NR4A1: variants seen among roughly 807,000 people sequenced by gnomAD.
NR4A1 encodes nuclear receptor subfamily 4 group A member 1, also known as nuclear receptor subfamily 4immunitygroup A member 1.
NR4A1 carries 24 observed loss-of-function variants against 47.5 expected under a neutral mutation model. The ratio of observed to expected loss-of-function variants is 0.50; its 90% CI spans 0.37 to 0.71. The LOEUF is 0.71. Among genes scored for constraint, NR4A1 ranks in the 30% least tolerant of loss-of-function variants. The pLI, the probability that NR4A1 is intolerant of heterozygous loss-of-function variation, is 0.00. For synonymous variants in NR4A1, 353 were observed against 345.7 expected, an observed-to-expected ratio of 1.02 and a Z score of -0.24; for missense variants, 669 against 788.6, an observed-to-expected ratio of 0.85 and a Z score of 1.82.
chr12:52,059,041 T>A lies in NR4A1; in HGVS notation c.*97T>A, dbSNP rs45491997. On this transcript the variant is annotated 3_prime_UTR_variant, in exon 7 of 7. Coordinates refer to ENST00000394825, the MANE Select transcript of NR4A1 (RefSeq NM_173157.3). ...CCCAGAGCACCCCCAAGCCTGGGCT[T>A]GAGCTGCAGAATGACTCCACCTTCT... 33,891 of 1,434,054 alleles carry A rather than the reference T, an allele frequency of 0.024. 3,133 individuals are homozygous for A. The African/African-American group carries it at 0.29, about 12-fold the overall frequency. 88.8% of individuals were successfully genotyped at this position (1,434,054 alleles called of 1,614,324 possible).
At chr12:52,051,237 G>GC (rs1938914466), upstream of NR4A1, among the ~76,000 whole-genome samples, 1 of 152,064 alleles carries the variant, frequency 6.6e-6, no homozygotes, top group Non-Finnish European at 1.5e-5. Context: ...TGCGTCACGC[G>GC]CGCAGACATT....
chr12:52,029,790 C>T (rs1179236195), intron 1 of NR4A1, among the ~76,000 whole-genome samples: 1 of 152,240 alleles, frequency 6.6e-6, no homozygotes, highest in Non-Finnish European at 1.5e-5. Context: ...TGGCTTCCTT[C>T]AGTTCCCTCC....
In NR4A1 at chr12:52,051,504, C is replaced by CGGGACCA. The variant is rs1173057976; in HGVS notation, c.-57_-51dup. 2.0e-6 allele frequency: 2 copies of CGGGACCA among 985,642 alleles called. No homozygotes were observed. The highest frequency in any genetic ancestry group is 2.4e-6 in the Non-Finnish European group (2 of 830,068). 61.1% of individuals were successfully genotyped at this position (985,642 alleles called of 1,614,324 possible). On this transcript the variant is annotated 5_prime_UTR_variant, in exon 1 of 7. Coordinates refer to ENST00000394825, the MANE Select transcript of NR4A1 (RefSeq NM_173157.3). ...CACAGAAGAACTTCGGGAGCGCACG[C>CGGGACCA]GGGACCAGGGACCAGGCTGAGACTC...
rs764819954 is a variant in NR4A1 at position 52,056,184 on chromosome 12, C to T, written c.1006+25C>T. ...GGTGTGTGGCTGGGGTGCGGCCCAG[C>T]GGGGCAAGGGTAGGCTTGAGTGGAG... is the stretch of plus-strand genomic sequence containing the variant. On this transcript the variant is annotated intron_variant, in intron 3 of 6. Coordinates refer to ENST00000394825, the MANE Select transcript of NR4A1 (RefSeq NM_173157.3). 32 of 1,578,234 alleles carry T rather than the reference C, an allele frequency of 2.0e-5. No individual in the cohort carries two copies. In the Admixed American group the frequency reaches 4.7e-4, roughly 23 times the overall value.
chr12:52,036,690 C>T (rs1184963890), intron 1 of NR4A1, among the ~76,000 whole-genome samples: 1 of 152,248 alleles, frequency 6.6e-6, no homozygotes, highest in Non-Finnish European at 1.5e-5. Context: ...AAGCTGGGTG[C>T]CCTGCTACCT....
At chr12:52,052,152 T>G (rs967324934) in intron 1 of NR4A1, among the ~76,000 whole-genome samples, 2 of 152,000 alleles carry the variant, frequency 1.3e-5, no homozygotes, top group East Asian at 1.9e-4. Flanking sequence ...AGTGACTGGC[T>G]TGGTGGCTGA....
In NR4A1 at chr12:52,058,959, C is replaced by T. The variant is rs377130441; in HGVS notation, c.*15C>T. ...TGCCCTTCTGACCCCTGCCTGGGAA[C>T]ACGTGTGCACATGCGCACTCTCATA... On this transcript the variant is annotated 3_prime_UTR_variant, in exon 7 of 7. Transcript: ENST00000394825. 995 of 1,602,436 alleles carry T rather than the reference C, an allele frequency of 6.2e-4. 1 individual carries two copies. Among genetic ancestry groups the T allele is most frequent in the Admixed American group, 7.2e-4 (43 of 59,690 alleles).
At chr12:52,052,968 C>G (rs1939063573) in intron 1 of NR4A1, among the ~76,000 whole-genome samples, 1 of 152,158 alleles carries the variant, frequency 6.6e-6, no homozygotes, top group Admixed American at 6.5e-5. Flanking sequence ...GTGCCCTGTT[C>G]AGGGCCTGTG....
chr12:52,029,385 G>C (rs896013874), intron 1 of NR4A1, among the ~76,000 whole-genome samples: 2 of 152,214 alleles, frequency 1.3e-5, no homozygotes, highest in African/African-American at 2.4e-5. Context: ...AGGGGAAACA[G>C]GCCCCTAATG....
rs1296748463 is a variant in NR4A1, at chr12:52,057,430, G to C, written c.1440G>C (p.Gly480=). The change falls in exon 6 of 7, where the codon GGG becomes GGC. Residue 480 remains glycine (G), a synonymous_variant. Transcript: ENST00000394825. Reference sequence around the variant, plus strand: ...GGCTGCAGTGTGCCCGTGGCTTCGGGGACTGGATTGACAGTATCCTGGCCT... The same window carrying C: ...GGCTGCAGTGTGCCCGTGGCTTCGGCGACTGGATTGACAGTATCCTGGCCT... ...LHRLQCARGF[G]DWIDSILAFS... is the part of the protein sequence containing the mutation. The C allele has an allele frequency of 6.2e-7, 1 of 1,614,212 alleles. No individual in the cohort carries two copies.
intron 1 of NR4A1, among the ~76,000 whole-genome samples, chr12:52,030,323 C>T (rs1462812236): frequency 6.6e-6 from 1 of 152,242 alleles, no homozygotes; most frequent in African/African-American, 2.4e-5. Flanking sequence ...CATAGCAGCT[C>T]AGTGTAAGGA....
chr12:52,052,030 G>A (rs1938987223), intron 1 of NR4A1, among the ~76,000 whole-genome samples: 1 of 152,174 alleles, frequency 6.6e-6, no homozygotes, highest in Non-Finnish European at 1.5e-5. Context: ...CTCCCTCCCA[G>A]TGTCCCGGTT....
chr12:52,041,356 C>CT (rs1429981679), intron 1 of NR4A1, among the ~76,000 whole-genome samples: 1 of 152,128 alleles, frequency 6.6e-6, no homozygotes, highest in Non-Finnish European at 1.5e-5. Flanking sequence ...CCACTCTACT[C>CT]TAAGTTGAGT....
intron 1 of NR4A1, among the ~76,000 whole-genome samples, chr12:52,025,838 C>A (rs1398501585): frequency 1.3e-5 from 2 of 152,178 alleles, no homozygotes; most frequent in African/African-American, 2.4e-5. Context: ...CAGCAGAGGG[C>A]ACCACCGTAC....
At chr12:52,050,751 G>A (rs1312218019), upstream of NR4A1, among the ~76,000 whole-genome samples, 1 of 152,194 alleles carries the variant, frequency 6.6e-6, no homozygotes, top group Non-Finnish European at 1.5e-5. Context: ...CTCTCAGCCT[G>A]AGACCCTGCT....
chr12:52,038,074 T>G (rs1938307560), intron 1 of NR4A1: 1 of 968,514 alleles, frequency 1.0e-6, no homozygotes, highest in African/African-American at 1.8e-5. Context: ...CCCCCTTTCT[T>G]TTTTTTTTGA....
intron 2 of NR4A1, among the ~76,000 whole-genome samples, chr12:52,046,239 G>A (rs1294167583): frequency 6.6e-6 from 1 of 152,204 alleles, no homozygotes; most frequent in Admixed American, 6.5e-5. Context: ...CCTACCCTCT[G>A]GGCTGGGGAA....
chr12:52,051,262 C>T (rs971320368), upstream of NR4A1: 5 of 238,130 alleles, frequency 2.1e-5, no homozygotes, highest in African/African-American at 2.3e-5. Flanking sequence ...GCCCCCCCTC[C>T]TCGCCCCGCC....
chr12:52,057,659 C>A, intron 6 of NR4A1, 129 bp downstream of exon 6: 1 of 1,003,680 alleles, frequency 1.0e-6, no homozygotes, highest in South Asian at 1.6e-5. Flanking sequence ...TGCACTGCCC[C>A]GGGCTCATGC....
Sources: allele counts gnomAD v4.1 joint callset (sites outside exome capture counted in the v4.1 genomes callset), GRCh38; gene constraint gnomAD v4.1.1; transcripts MANE v1.5; gene names NCBI Gene and HGNC (gene_info 2026-07-23, HGNC 2026-07-21).